Variants in PCDH17 observed in about 807,000 individuals in gnomAD.
PCDH17 encodes the protein protocadherin 17.
A neutral mutation model predicts 67.7 loss-of-function variants in PCDH17; 21 were observed. The ratio of observed to expected loss-of-function variants is 0.31; its 90% confidence interval spans 0.22 to 0.45. The LOEUF is 0.45. PCDH17 is among the 20% of genes least tolerant of loss of function. PCDH17 has a pLI of 1.00. For missense variants in PCDH17, 1,471 were observed against 1,564.8 expected (o/e 0.94, Z 1.01); for synonymous variants, 701 against 656.7 (o/e 1.07, Z -1.03).
rs1954761271 is a variant in PCDH17 at position 57,633,446 on chromosome 13, C to A, written c.900C>A (p.Thr300=). ...VRELFSIDPK[T]GLIRVKGNLD... ...AGCTCTTCTCCATCGACCCCAAGAC[C>A]GGCCTAATCCGTGTGAAGGGCAATC... The change falls in exon 1 of 4, where the codon ACC becomes ACA. Residue 300 remains threonine, a synonymous_variant. Coordinates refer to ENST00000377918, the MANE Select transcript of PCDH17 (RefSeq NM_001040429.3). The surrounding 1 kb of genome is among the most constrained non-coding windows in gnomAD (Gnocchi z 6.2). 1.2e-6 allele frequency: 2 copies of A among 1,613,676 alleles called. No homozygotes were observed. The highest frequency in any genetic ancestry group is 1.7e-6 in the Non-Finnish European group (2 of 1,180,026).
intron 3 of PCDH17, among the ~76,000 whole-genome samples, chr13:57,711,035 T>C (rs1955771440): frequency 6.6e-6 from 1 of 152,036 alleles, no homozygotes; most frequent in African/African-American, 2.4e-5. Flanking sequence ...TTGTTACCCT[T>C]GAATAGCTGT....
At chr13:57,668,951 C>A (rs1285453456) in intron 3 of PCDH17, among the ~76,000 whole-genome samples, 1 of 152,036 alleles carries the variant, frequency 6.6e-6, no homozygotes, top group Admixed American at 6.6e-5. Context: ...ATTAACTCGT[C>A]ATTTACATTA....
intron 3 of PCDH17, among the ~76,000 whole-genome samples, chr13:57,711,694 T>A (rs1320849143): frequency 6.6e-6 from 1 of 151,660 alleles, no homozygotes; most frequent in African/African-American, 2.4e-5. Context: ...GGCTACTGAA[T>A]GTAATTTTGC....
intron 1 of PCDH17, among the ~76,000 whole-genome samples, chr13:57,639,894 C>T (rs1050073155): frequency 2.0e-5 from 3 of 151,892 alleles, no homozygotes; most frequent in Non-Finnish European, 4.4e-5. Context: ...TACATTACCA[C>T]CTTTGACTAT....
At chr13:57,663,577 TA>T (rs1833355057) in intron 1 of PCDH17, among the ~76,000 whole-genome samples, 1 of 152,178 alleles carries the variant, frequency 6.6e-6, no homozygotes, top group Non-Finnish European at 1.5e-5. Context: ...GGAGTCTAGA[TA>T]ATGAAAATGT....
chr13:57,714,818 GA>G (rs913292387), intron 3 of PCDH17, among the ~76,000 whole-genome samples: 43 of 151,806 alleles, frequency 2.8e-4, no homozygotes, highest in Middle Eastern at 3.4e-3. Flanking sequence ...TCACTTAAAA[GA>G]GAAAAGTGTC....
intron 3 of PCDH17, among the ~76,000 whole-genome samples, chr13:57,717,720 A>G (rs148105772): frequency 6.6e-5 from 10 of 152,162 alleles, no homozygotes; most frequent in Non-Finnish European, 1.5e-4. Context: ...TGATAGTATT[A>G]TAACAACTTC....
Position 57,726,504 on chromosome 13 carries a change from A to G in PCDH17, c.*1210A>G, listed in dbSNP as rs1955917654. Reference sequence around the variant, plus strand: ...TGTTTTTTCCTGCTTCCTTTTCCCCATGGAGTGTGGGAAGCAGTGCCTCAG... The same window carrying G: ...TGTTTTTTCCTGCTTCCTTTTCCCCGTGGAGTGTGGGAAGCAGTGCCTCAG... On this transcript the variant is annotated 3_prime_UTR_variant, in exon 4 of 4. Transcript: ENST00000377918. 6.6e-6 allele frequency: 1 copy of G among 152,556 alleles called. No homozygotes were observed. Among genetic ancestry groups the G allele is most frequent in the Non-Finnish European group, 1.5e-5 (1 of 68,024 alleles). 9.5% of individuals were successfully genotyped at this position (152,556 alleles called of 1,614,324 possible). A position where few individuals can be genotyped will look rare whatever the true frequency, so the allele number is the denominator to read the frequency against.
intron 1 of PCDH17, among the ~76,000 whole-genome samples, chr13:57,645,830 T>C (rs187793982): frequency 1.7e-4 from 26 of 151,494 alleles, no homozygotes; most frequent in Admixed American, 1.1e-3. Context: ...GATGCACTTC[T>C]GATGTTATGT....
chr13:57,691,594 A>G (rs1478366342), intron 3 of PCDH17, among the ~76,000 whole-genome samples: 1 of 151,352 alleles, frequency 6.6e-6, no homozygotes, highest in East Asian at 1.9e-4. Context: ...TTTTAAAAAG[A>G]ATGTAAGCTA....
At position 57,633,886 on chromosome 13, in the gene PCDH17, G is replaced by A. The variant is rs758916766; in HGVS notation, c.1340G>A (p.Gly447Glu). The change falls in exon 1 of 4, where the codon GGG becomes GAG. Residue 447 changes from glycine (G) to glutamate (E), a missense_variant. Transcript: ENST00000377918. This position sits in a 1 kb window ranked among gnomAD's most constrained non-coding sequence, Gnocchi z 6.2. ...EYNVTIVARD[G>E]GSPPLNSTKS... Reference sequence around the variant, plus strand: ...AACGTGACCATCGTGGCGCGGGACGGGGGCTCTCCTCCCCTCAACTCCACC... The same window carrying A: ...AACGTGACCATCGTGGCGCGGGACGAGGGCTCTCCTCCCCTCAACTCCACC... 2 of 1,613,168 alleles carry A rather than the reference G, an allele frequency of 1.2e-6. No homozygotes were observed. Among genetic ancestry groups the A allele is most frequent in the South Asian group, 2.2e-5 (2 of 91,088 alleles).
chr13:57,688,597 A>G (rs992153553), intron 3 of PCDH17, among the ~76,000 whole-genome samples: 2 of 152,050 alleles, frequency 1.3e-5, no homozygotes, highest in African/African-American at 4.8e-5. Context: ...GTCTGTTAGG[A>G]TGTATGAGTA....
intron 1 of PCDH17, among the ~76,000 whole-genome samples, chr13:57,649,849 TC>T (rs1955014403): frequency 6.6e-6 from 1 of 152,158 alleles, no homozygotes; most frequent in Admixed American, 6.5e-5. Flanking sequence ...TCATACTTCG[TC>T]TTTTTTATAT....
intron 1 of PCDH17, among the ~76,000 whole-genome samples, chr13:57,639,751 T>A (rs1954868036): frequency 6.6e-6 from 1 of 151,912 alleles, no homozygotes; most frequent in African/African-American, 2.4e-5. Flanking sequence ...TGCCAAAAAA[T>A]TTGGAATTTT....
At position 57,727,544 on chromosome 13, in the gene PCDH17, C is replaced by T. The variant is rs1955924364; in HGVS notation, c.*2250C>T. The T allele has an allele frequency of 6.6e-6, 1 of 152,116 alleles. No homozygotes were observed. The highest frequency in any genetic ancestry group is 2.4e-5 in the African/African-American group (1 of 41,442). 9.4% of individuals were successfully genotyped at this position (152,116 alleles called of 1,614,324 possible). The stretch of plus-strand genomic sequence containing the variant: ...GGAAGAGTGGACAACTCCCATCAGC[C>T]TTATTCTCTTGAGAACTATATTTTG... On this transcript the variant is annotated 3_prime_UTR_variant, in exon 4 of 4. Coordinates refer to ENST00000377918, the MANE Select transcript of PCDH17 (RefSeq NM_001040429.3).
intron 1 of PCDH17, among the ~76,000 whole-genome samples, chr13:57,649,681 T>C (rs998569803): frequency 8.5e-5 from 13 of 152,228 alleles, no homozygotes; most frequent in Non-Finnish European, 2.9e-5. Context: ...TGCTTATTTA[T>C]TGGTTCTGCA....
chr13:57,717,991 A>AAATGTGTGCACATGCATGTGTGTG, intron 3 of PCDH17, among the ~76,000 whole-genome samples: 2 of 151,966 alleles, frequency 1.3e-5, no homozygotes, highest in Non-Finnish European at 1.5e-5. Context: ...ACCTCATGAA[A>AAATGTGTGCACATGCATGTGTGTG]TAAGCATATT....
chr13:57,635,546 A>G (rs1489063806), intron 1 of PCDH17, among the ~76,000 whole-genome samples: 1 of 152,244 alleles, frequency 6.6e-6, no homozygotes, highest in South Asian at 2.1e-4. Flanking sequence ...ATACCCAACT[A>G]TTAAGAAGTT....
At chr13:57,684,399 T>C (rs1199436299) in intron 3 of PCDH17, among the ~76,000 whole-genome samples, 1 of 151,920 alleles carries the variant, frequency 6.6e-6, no homozygotes, top group Non-Finnish European at 1.5e-5. Flanking sequence ...TTTTTAAAAT[T>C]TTAAAAATTA....
Sources: allele counts gnomAD v4.1 joint callset (sites outside exome capture counted in the v4.1 genomes callset), GRCh38; gene constraint gnomAD v4.1.1; non-coding constraint Gnocchi (gnomAD v3.1); transcripts MANE v1.5; gene names NCBI Gene and HGNC (gene_info 2026-07-23, HGNC 2026-07-21).